Variants in FAM186A observed in about 807,000 individuals in gnomAD.
FAM186A encodes the protein protein FAM186A.
FAM186A carries 163 observed loss-of-function variants against 216.8 expected under a neutral mutation model. The ratio of observed to expected loss-of-function variants is 0.75; its 90% CI spans 0.66 to 0.86. The LOEUF (loss-of-function observed/expected upper bound fraction) is 0.86, where lower values mean the gene tolerates loss of function less well. Among genes scored for constraint, FAM186A ranks in the 40% least tolerant of loss-of-function variants. The pLI, the probability that FAM186A is intolerant of heterozygous loss-of-function variation, is 0.00. For missense variants in FAM186A, 2,184 were observed against 2,746.2 expected (o/e 0.80, Z 4.58); for synonymous variants, 805 against 1,025.3 (o/e 0.79, Z 4.10).
intron 1 of FAM186A, among the ~76,000 whole-genome samples, chr12:50,375,687 A>AGCCT (rs1384194511): frequency 6.7e-6 from 1 of 148,374 alleles, no homozygotes; most frequent in Non-Finnish European, 1.5e-5. Context: ...ACTGCACTCT[A>AGCCT]GCCTGGGTGA....
At chr12:50,373,031 GAAAGAAAGAAAGAA>G (rs1943161217) in intron 1 of FAM186A, among the ~76,000 whole-genome samples, 1 of 145,828 alleles carries the variant, frequency 6.9e-6, no homozygotes, top group African/African-American at 2.5e-5. Context: ...AAGAAAGAAA[GAAAGAAAGAAAGAA>G]AGAAAGAAAG....
At chr12:50,342,914 G>T in intron 4 of FAM186A, among the ~76,000 whole-genome samples, 1 of 148,984 alleles carries the variant, frequency 6.7e-6, no homozygotes, top group African/African-American at 2.5e-5. Context: ...TGGGACTACA[G>T]GTGCACACCA....
intron 4 of FAM186A, among the ~76,000 whole-genome samples, chr12:50,349,644 C>A (rs1470420522): frequency 1.4e-4 from 4 of 29,508 alleles, no homozygotes; most frequent in South Asian, 2.0e-3. Context: ...GGCAGGATCT[C>A]TTTTTATTAT....
chr12:50,355,381 T>A lies in FAM186A; in HGVS notation c.1451A>T (p.Lys484Ile). 1 of 1,551,420 alleles carries A rather than the reference T, an allele frequency of 6.4e-7. No homozygotes were observed. Among genetic ancestry groups the A allele is most frequent in the Non-Finnish European group, 8.7e-7 (1 of 1,146,992 alleles). ...TTGACTAGGTTTGGCCTCTGAGACTTTCTGTCCACTTTTATTATCACTCAG... is the reference window on the plus strand; with the variant it reads ...TTGACTAGGTTTGGCCTCTGAGACTATCTGTCCACTTTTATTATCACTCAG... ...PNLSDNKSGQ[K>I]VSEAKPSQYY... is the part of the protein sequence containing the mutation. Residue 484 changes from lysine to isoleucine, a missense_variant, in exon 4 of 8, where the codon AAA (lysine) becomes ATA (isoleucine). Lys to Ile is a moderately radical substitution (Grantham distance 102). Coordinates refer to ENST00000327337, the MANE Select transcript of FAM186A (RefSeq NM_001145475.3).
chr12:50,330,427 A>G (rs1254071566), intron 7 of FAM186A, 146 bp downstream of exon 7: 2 of 760,588 alleles, frequency 2.6e-6, no homozygotes, highest in African/African-American at 1.8e-5. Context: ...TACCTGTACT[A>G]TTTTATGACT....
At chr12:50,383,615 G>GAAAC (rs1471532132) in intron 1 of FAM186A, among the ~76,000 whole-genome samples, 1 of 151,958 alleles carries the variant, frequency 6.6e-6, no homozygotes, top group African/African-American at 2.4e-5. Flanking sequence ...AAAAAAGAAA[G>GAAAC]AAACAAACAA....
intron 1 of FAM186A, among the ~76,000 whole-genome samples, chr12:50,391,836 T>C (rs1458492350): frequency 6.6e-6 from 1 of 152,200 alleles, no homozygotes; most frequent in African/African-American, 2.4e-5. Flanking sequence ...GCTTAGGTAT[T>C]TATTCCAGAG....
In FAM186A at chr12:50,365,951, C is replaced by T. The variant is rs529619493; in HGVS notation, c.193-2587G>A. On this transcript the variant is annotated intron_variant, in intron 1 of 7. Transcript: ENST00000327337. ...GCACAACTGTCCATGTGGGCCCTCG[C>T]CCCAGCAAGGTGGGTATCACTAGGC... is the stretch of plus-strand genomic sequence containing the variant. The T allele has an allele frequency of 5.6e-5, 43 of 765,094 alleles. No homozygotes were observed. The Admixed American group carries it at 7.3e-4, about 13-fold the overall frequency. The allele number at this position is 765,094 out of a possible 1,614,324, so 47.4% of individuals were successfully genotyped here. A position where few individuals can be genotyped will look rare whatever the true frequency, so the allele number is the denominator to read the frequency against.
chr12:50,385,417 C>CAAA (rs1281395536), intron 1 of FAM186A, among the ~76,000 whole-genome samples: 1 of 51,854 alleles, frequency 1.9e-5, no homozygotes, highest in Admixed American at 2.2e-4. Flanking sequence ...GACTCTGTCT[C>CAAA]AAAAAAAAAA....
intron 3 of FAM186A, 108 bp downstream of exon 3, chr12:50,360,648 G>C: frequency 3.1e-6 from 3 of 975,784 alleles, no homozygotes; most frequent in Non-Finnish European, 4.3e-6. Context: ...TCAGGCCACT[G>C]CACACCAGCC....
At chr12:50,339,048 T>C (rs1299430810) in intron 4 of FAM186A, among the ~76,000 whole-genome samples, 1 of 152,052 alleles carries the variant, frequency 6.6e-6, no homozygotes, top group East Asian at 1.9e-4. Flanking sequence ...AGGGTCTCAC[T>C]GTGTTGCCCA....
Position 50,350,710 on chromosome 12 carries a change from A to G in FAM186A, c.6122T>C (p.Met2041Thr). Residue 2041 changes from methionine (M) to threonine (T), a missense_variant, in exon 4 of 8, where the codon ATG (methionine) becomes ACG (threonine). By Grantham distance (81) the Met-to-Thr change is moderately conservative. This residue lies in a region of FAM186A where 721 missense variants were observed against 816.4 expected (regional missense o/e 0.88). Transcript: ENST00000327337. ...AGAAGATGGTGATGTTGTTGGCTTC[A>G]TGAGAGTGAGAAGGGCCCTTTCATC... ...YTDERALLTL[M>T]KPTTSPSSLT... 6.4e-7 allele frequency: 1 copy of G among 1,551,654 alleles called. No homozygotes were observed. Among genetic ancestry groups the G allele is most frequent in the Non-Finnish European group, 8.7e-7 (1 of 1,146,990 alleles).
At chr12:50,372,233 G>A (rs1286897513) in intron 1 of FAM186A, among the ~76,000 whole-genome samples, 3 of 152,130 alleles carry the variant, frequency 2.0e-5, no homozygotes, top group Non-Finnish European at 2.9e-5. Context: ...CACAGGAGAC[G>A]GGAGACAAAG....
Position 50,350,887 on chromosome 12 carries a change from G to A in FAM186A, c.5945C>T (p.Pro1982Leu), listed in dbSNP as rs71466904. Reference protein sequence around the residue: ...SAPDFKVAQVPFTTKKFQMSE... With the variant: ...SAPDFKVAQVLFTTKKFQMSE... ...CATTTGGAACTTCTTAGTGGTGAAA[G>A]GAACTTGAGCTACCTTGAAATCTGG... Residue 1982 changes from proline to leucine, a missense_variant, in exon 4 of 8, where the codon CCT (proline) becomes CTT (leucine). Coordinates refer to ENST00000327337, the MANE Select transcript of FAM186A (RefSeq NM_001145475.3). 1.0e-4 allele frequency: 158 copies of A among 1,551,532 alleles called. No individual in the cohort carries two copies. Among genetic ancestry groups the A allele is most frequent in the Non-Finnish European group, 1.3e-4 (148 of 1,146,996 alleles).
chr12:50,334,127 G>A (rs1300739918), intron 4 of FAM186A, 24 bp from the exon 5 acceptor site: 1 of 1,505,932 alleles, frequency 6.6e-7, no homozygotes, highest in Admixed American at 2.4e-5. Context: ...ATAAAAATTA[G>A]AGCGATAATA....
At chr12:50,380,521 C>CAAAAAAAAAAAA (rs60955395) in intron 1 of FAM186A, among the ~76,000 whole-genome samples, 2 of 76,442 alleles carry the variant, frequency 2.6e-5, no homozygotes, top group African/African-American at 9.5e-5. Context: ...ACTAAAAATA[C>CAAAAAAAAAAAA]AAAAAAAAAA....
In FAM186A at chr12:50,354,406, G is replaced by C; in HGVS notation, c.2426C>G (p.Ser809Ter). 1 of 1,551,424 alleles carries C rather than the reference G, an allele frequency of 6.4e-7. No individual in the cohort carries two copies. The highest frequency in any genetic ancestry group is 8.7e-7 in the Non-Finnish European group (1 of 1,146,996). The change falls in exon 4 of 8, where the codon TCA (serine) becomes TGA (stop). Residue 809 changes from serine (S) to a stop codon, truncating the protein, a stop_gained. Coordinates refer to ENST00000327337, the MANE Select transcript of FAM186A (RefSeq NM_001145475.3). LOFTEE classifies it high-confidence loss of function. The part of the protein sequence containing the change: ...IESERDIPTV[S>*]TVQKDHKEKE... ...CTCCTTGTGGTCTTTCTGTACTGTT[G>C]AGACTGTTGGAATATCTCTTTCACT... is the stretch of plus-strand genomic sequence containing the variant.
chr12:50,356,960 C>T (rs994609593), intron 3 of FAM186A, among the ~76,000 whole-genome samples: 1 of 152,064 alleles, frequency 6.6e-6, no homozygotes, highest in Non-Finnish European at 1.5e-5. Context: ...GATTGCGCCA[C>T]TGCACTCAAG....
rs1199498513 is a variant in FAM186A at position 50,354,167 on chromosome 12, A to G, written c.2665T>C (p.Trp889Arg). The G allele has an allele frequency of 1.3e-6, 2 of 1,550,854 alleles. No homozygotes were observed. The highest frequency in any genetic ancestry group is 1.7e-6 in the Non-Finnish European group (2 of 1,146,784). Residue 889 changes from tryptophan (W) to arginine (R), a missense_variant, in exon 4 of 8, where the codon TGG becomes CGG. By Grantham distance (101) the Trp-to-Arg change is moderately radical (BLOSUM62 -3). This residue lies in a region of FAM186A where 1,132 missense variants were observed against 1,263.4 expected (regional missense o/e 0.90). Transcript: ENST00000327337. ...GTTGCCTGTTTTTGCTCTTCCTTCC[A>G]CATCTCTTCTTCCTGCCACTGTTTC... ...SQKQWQEEEM[W>R]KEEQKQATPK...
Sources: gnomAD v4.1 joint callset for allele counts (sites outside exome capture counted in the v4.1 genomes callset) on GRCh38, gnomAD v4.1.1 for gene constraint, gnomAD v4.1.1 regional missense constraint, MANE v1.5 for transcripts, NCBI Gene and HGNC (gene_info 2026-07-23, HGNC 2026-07-21) for gene names.